The following FSTL4 variants were observed in gnomAD, a reference collection of about 807,000 sequenced individuals.
The protein encoded by FSTL4 is follistatin-related protein 4.
A neutral mutation model predicts 78.2 loss-of-function variants in FSTL4; 28 were observed. That is an observed-to-expected ratio of 0.36 (90% CI 0.27 to 0.49). The LOEUF (loss-of-function observed/expected upper bound fraction) is 0.49, where lower values mean the gene tolerates loss of function less well. Among genes scored for constraint, FSTL4 ranks in the 20% least tolerant of loss-of-function variants. The pLI, the probability that FSTL4 is intolerant of heterozygous loss-of-function variation, is 0.98. For missense variants in FSTL4, 922 were observed against 1,084.9 expected, an observed-to-expected ratio of 0.85 and a Z score of 2.11; for synonymous variants, 422 against 440.5, an observed-to-expected ratio of 0.96 and a Z score of 0.53.
At chr5:133,737,803 C>T in the FSTL4 span, among the ~76,000 whole-genome samples, 1 of 152,016 alleles carries the variant, frequency 6.6e-6, no homozygotes, top group Non-Finnish European at 1.5e-5. Flanking sequence ...CGGGGTTTCA[C>T]CAACTTGGCC....
Position 133,225,883 on chromosome 5 carries a change from C to T in FSTL4, c.1016-64G>A. ...CCTGACCTGGACTTGGGCCTGTGGC[C>T]CAACCTGAGACCCTGCTCCAGAGGG... On this transcript the variant is annotated intron_variant, in intron 8 of 15. Transcript: ENST00000265342. The surrounding 1 kb of genome is among the most constrained non-coding windows in gnomAD (Gnocchi z 4.6). 1 of 1,336,578 alleles carries T rather than the reference C, an allele frequency of 7.5e-7. No homozygotes were observed. Among genetic ancestry groups the T allele is most frequent in the Non-Finnish European group, 9.9e-7 (1 of 1,008,730 alleles). 82.8% of individuals were successfully genotyped at this position (1,336,578 alleles called of 1,614,324 possible).
chr5:133,682,436 T>G, the FSTL4 span, among the ~76,000 whole-genome samples: 1 of 152,194 alleles, frequency 6.6e-6, no homozygotes, highest in African/African-American at 2.4e-5. Flanking sequence ...AAAGCCCCCA[T>G]GTGTAACCCA....
chr5:133,361,869 A>T lies in FSTL4; in HGVS notation c.409+38869T>A, dbSNP rs1411209574. 6.6e-6 allele frequency among the ~76,000 whole-genome samples: 1 copy of T among 152,228 alleles called. No homozygotes were observed. The highest frequency in any genetic ancestry group is 1.5e-5 in the Non-Finnish European group (1 of 68,042). ...ATAAGACAGTCCTTCACAACAATAC[A>T]TTGTCACATGCCCCCATTTTTTGGA... On this transcript the variant is annotated intron_variant, in intron 4 of 15. Coordinates refer to ENST00000265342, the MANE Select transcript of FSTL4 (RefSeq NM_015082.2). This position sits in a 1 kb window ranked among gnomAD's most constrained non-coding sequence, Gnocchi z 4.3.
the FSTL4 span, among the ~76,000 whole-genome samples, chr5:133,623,529 C>G: frequency 3.3e-5 from 5 of 151,916 alleles, no homozygotes; most frequent in Non-Finnish European, 7.4e-5. Context: ...AACAAAAGAG[C>G]TAAAAACCTA....
chr5:133,798,987 A>AGGGAGGGAGGGAGGGAGGGAGGGAG, the FSTL4 span, among the ~76,000 whole-genome samples: 1 of 110,188 alleles, frequency 9.1e-6, no homozygotes. Context: ...GGAGGGAGGG[A>AGGGAGGGAGGGAGGGAGGGAGGGAG]GGAAGGGAGG....
At chr5:133,637,887 A>T in the FSTL4 span, among the ~76,000 whole-genome samples, 1 of 151,998 alleles carries the variant, frequency 6.6e-6, no homozygotes, top group South Asian at 2.1e-4. Flanking sequence ...GGCTCCAGTC[A>T]CCGAGATTGT....
At chr5:133,640,059 G>C in the FSTL4 span, among the ~76,000 whole-genome samples, 2 of 152,162 alleles carry the variant, frequency 1.3e-5, no homozygotes, top group Admixed American at 6.5e-5. Context: ...GTAACAATAG[G>C]CATGGTGCAA....
chr5:133,778,942 T>C, the FSTL4 span, among the ~76,000 whole-genome samples: 2 of 152,176 alleles, frequency 1.3e-5, no homozygotes, highest in African/African-American at 4.8e-5. Context: ...CAAAGTGACC[T>C]GGTAAAAAGG....
intron 3 of FSTL4, among the ~76,000 whole-genome samples, chr5:133,500,654 G>T (rs1210370329): frequency 6.6e-6 from 1 of 152,032 alleles, no homozygotes; most frequent in Non-Finnish European, 1.5e-5. Context: ...GCACTCTCAG[G>T]CTATTTTACA....
intron 3 of FSTL4, among the ~76,000 whole-genome samples, chr5:133,537,132 T>A (rs1221187287): frequency 6.6e-6 from 1 of 152,202 alleles, no homozygotes; most frequent in Non-Finnish European, 1.5e-5. Flanking sequence ...TTATTTCTGG[T>A]CCTTTGGTTT....
At chr5:133,483,957 C>T (rs1258159039) in intron 3 of FSTL4, among the ~76,000 whole-genome samples, 3 of 152,234 alleles carry the variant, frequency 2.0e-5, no homozygotes, top group Admixed American at 2.0e-4. Flanking sequence ...ATGTCCACTC[C>T]TGCTGTCTTT....
chr5:133,529,023 G>T (rs823979), intron 3 of FSTL4, among the ~76,000 whole-genome samples: 57,698 of 151,726 alleles, frequency 0.38, 11,100 homozygotes, highest in East Asian at 0.42. Flanking sequence ...CCATGCTCTT[G>T]CTCCGGCTGC....
intron 3 of FSTL4, among the ~76,000 whole-genome samples, chr5:133,553,297 C>T (rs1437308676): frequency 6.6e-6 from 1 of 152,194 alleles, no homozygotes; most frequent in Non-Finnish European, 1.5e-5. Flanking sequence ...CCTCTGTCCT[C>T]CACATGTTCC....
intron 3 of FSTL4, among the ~76,000 whole-genome samples, chr5:133,564,484 G>A (rs1225173210): frequency 6.6e-6 from 1 of 152,210 alleles, no homozygotes; most frequent in African/African-American, 2.4e-5. Context: ...AAGCAAATGT[G>A]TAGCTTGCAC....
intron 6 of FSTL4, among the ~76,000 whole-genome samples, chr5:133,277,431 T>C (rs1329110726): frequency 1.3e-5 from 2 of 152,326 alleles, no homozygotes; most frequent in African/African-American, 4.8e-5. Context: ...GTATTTCTTA[T>C]GGGGACAGTG....
At chr5:133,358,503 T>C (rs1219283215) in intron 4 of FSTL4, among the ~76,000 whole-genome samples, 1 of 151,732 alleles carries the variant, frequency 6.6e-6, no homozygotes, top group Non-Finnish European at 1.5e-5. Context: ...CTATGCCAAG[T>C]GCTGTCCTCC....
chr5:133,305,392 C>G (rs1248117581), intron 6 of FSTL4, among the ~76,000 whole-genome samples: 1 of 152,226 alleles, frequency 6.6e-6, no homozygotes, highest in Non-Finnish European at 1.5e-5. Flanking sequence ...ATTGCCTCCT[C>G]CCTCAGTCAA....
intron 3 of FSTL4, among the ~76,000 whole-genome samples, chr5:133,466,939 T>C (rs1355314197): frequency 1.3e-5 from 2 of 149,718 alleles, no homozygotes; most frequent in African/African-American, 5.0e-5. Flanking sequence ...AGAATATGAG[T>C]GTGTGAGTAC....
chr5:133,692,850 G>T, the FSTL4 span, among the ~76,000 whole-genome samples: 2 of 152,180 alleles, frequency 1.3e-5, no homozygotes. Flanking sequence ...CACTTCCTCA[G>T]GGGGCCTGCT....
Sources: allele counts gnomAD v4.1 joint callset (sites outside exome capture counted in the v4.1 genomes callset), GRCh38; gene constraint gnomAD v4.1.1; non-coding constraint Gnocchi (gnomAD v3.1); transcripts MANE v1.5; gene names NCBI Gene and HGNC (gene_info 2026-07-23, HGNC 2026-07-21).